The following EPS8 variants were observed in gnomAD, a reference collection of about 807,000 sequenced individuals.
The protein encoded by EPS8 is epidermal growth factor receptor kinase substrate 8.
EPS8 carries 42 observed loss-of-function variants against 103.8 expected under a neutral mutation model. The observed-to-expected ratio is 0.40, with a 90% CI of 0.32 to 0.52. EPS8 has a LOEUF of 0.52. EPS8 is among the 20% of genes least tolerant of loss of function. EPS8 has a pLI of 0.40. For synonymous variants in EPS8, 344 were observed against 344.6 expected (o/e 1.00, Z 0.02); for missense variants, 969 against 1,005.1 (o/e 0.96, Z 0.49).
Position 15,695,660 on chromosome 12 carries a change from C to A in EPS8, c.-21-12688G>T, listed in dbSNP as rs1946233083. Reference sequence around the variant, plus strand: ...TTCCTACCTTCATGGAGCTTACAATCTAGAGGGAGGAGAGCATGAAATAAG... The same window carrying A: ...TTCCTACCTTCATGGAGCTTACAATATAGAGGGAGGAGAGCATGAAATAAG... On this transcript the variant is annotated intron_variant, in intron 1 of 20. Transcript: ENST00000281172. The surrounding 1 kb of genome is among the most constrained non-coding windows in gnomAD (Gnocchi z 5.0). 6.6e-6 allele frequency among the ~76,000 whole-genome samples: 1 copy of A among 152,112 alleles called. No homozygotes were observed. The highest frequency in any genetic ancestry group is 1.5e-5 in the Non-Finnish European group (1 of 68,008).
chr12:15,788,373 C>G (rs975965153), intron 1 of EPS8, among the ~76,000 whole-genome samples: 5 of 152,136 alleles, frequency 3.3e-5, no homozygotes, highest in Non-Finnish European at 7.3e-5. Context: ...TCCTGCCCCC[C>G]GCGAGATTCC....
Position 15,646,869 on chromosome 12 carries a change from C to T in EPS8, c.1568+258G>A, listed in dbSNP as rs114416715. The stretch of plus-strand genomic sequence containing the variant: ...GACAATTCTTTCTTCTTAATGTACA[C>T]ATTTTGTCCGAAGTATCTTTTAAAA... On this transcript the variant is annotated intron_variant, in intron 15 of 20. Transcript: ENST00000281172. 3.6e-3 allele frequency among the ~76,000 whole-genome samples: 542 copies of T among 152,322 alleles called. 3 individuals carry two copies. Among genetic ancestry groups the T allele is most frequent in the African/African-American group, 0.012 (509 of 41,588 alleles).
At chr12:15,737,103 CCAGA>C (rs1414835827) in intron 1 of EPS8, among the ~76,000 whole-genome samples, 1 of 152,036 alleles carries the variant, frequency 6.6e-6, no homozygotes, top group South Asian at 2.1e-4. Context: ...ATACCTAGTA[CCAGA>C]CAGTGTACTA....
chr12:15,722,701 T>C (rs1351251520), intron 1 of EPS8, among the ~76,000 whole-genome samples: 1 of 152,188 alleles, frequency 6.6e-6, no homozygotes. Context: ...GCAGATTCAG[T>C]GTCTGGTGAG....
chr12:15,676,618 C>T (rs922572396), intron 3 of EPS8, among the ~76,000 whole-genome samples: 3 of 152,162 alleles, frequency 2.0e-5, no homozygotes, highest in Non-Finnish European at 4.4e-5. Context: ...AATTATTTCC[C>T]TTAAAAACAA....
At chr12:15,647,747 A>G (rs937024462) in intron 14 of EPS8, among the ~76,000 whole-genome samples, 5 of 152,234 alleles carry the variant, frequency 3.3e-5, no homozygotes, top group African/African-American at 1.2e-4. Context: ...TTTTGCAGTT[A>G]AGATAATTCA....
chr12:15,641,316 CATT>C (rs1945224853), intron 16 of EPS8, among the ~76,000 whole-genome samples: 1 of 151,966 alleles, frequency 6.6e-6, no homozygotes, highest in Non-Finnish European at 1.5e-5. Flanking sequence ...TTATCCCTAA[CATT>C]ATTAGCTCAA....
intron 1 of EPS8, among the ~76,000 whole-genome samples, chr12:15,687,573 G>C (rs74063343): frequency 3.8e-3 from 580 of 152,254 alleles, no homozygotes; most frequent in African/African-American, 0.013. Flanking sequence ...ATGTTGTTTG[G>C]TTAACAAGTG....
chr12:15,708,492 A>T (rs1946418195), intron 1 of EPS8, among the ~76,000 whole-genome samples: 1 of 152,222 alleles, frequency 6.6e-6, no homozygotes, highest in Non-Finnish European at 1.5e-5. Context: ...AGGGGAAATT[A>T]TAATACAAAA....
intron 18 of EPS8, among the ~76,000 whole-genome samples, chr12:15,624,847 G>A (rs1434712112): frequency 6.6e-6 from 1 of 152,106 alleles, no homozygotes; most frequent in African/African-American, 2.4e-5. Flanking sequence ...GGAATATCTG[G>A]AGACACTTTT....
chr12:15,753,706 G>A (rs370643654), intron 1 of EPS8, among the ~76,000 whole-genome samples: 4 of 152,182 alleles, frequency 2.6e-5, no homozygotes, highest in South Asian at 2.1e-4. Flanking sequence ...AACTATACTC[G>A]TTCAATCTCA....
At chr12:15,768,038 C>T (rs1476444755) in intron 1 of EPS8, among the ~76,000 whole-genome samples, 1 of 152,034 alleles carries the variant, frequency 6.6e-6, no homozygotes, top group Non-Finnish European at 1.5e-5. Flanking sequence ...CAAAGACTTA[C>T]AGAATATTAG....
At position 15,713,624 on chromosome 12, in the gene EPS8, C is replaced by G. The variant is rs1946495689; in HGVS notation, c.-21-30652G>C. On this transcript the variant is annotated intron_variant, in intron 1 of 20. Coordinates refer to ENST00000281172, the MANE Select transcript of EPS8 (RefSeq NM_004447.6). The surrounding 1 kb of genome is among the most constrained non-coding windows in gnomAD (Gnocchi z 4.8). Reference sequence around the variant, plus strand: ...GATTTCCAGCCCCATTAAACCTTCACAACTCTAAAGCAGTCCTGATACTTA... The same window carrying G: ...GATTTCCAGCCCCATTAAACCTTCAGAACTCTAAAGCAGTCCTGATACTTA... Among the ~76,000 whole-genome samples, 1 of 152,204 alleles carries G rather than the reference C, an allele frequency of 6.6e-6. No homozygotes were observed. Among genetic ancestry groups the G allele is most frequent in the Non-Finnish European group, 1.5e-5 (1 of 68,038 alleles).
chr12:15,756,749 A>C (rs1946990042), intron 1 of EPS8, among the ~76,000 whole-genome samples: 1 of 152,220 alleles, frequency 6.6e-6, no homozygotes, highest in South Asian at 2.1e-4. Flanking sequence ...AATTTGGAAC[A>C]TGACAGATCT....
chr12:15,666,955 C>G (rs73315024), intron 6 of EPS8, among the ~76,000 whole-genome samples: 1,739 of 152,314 alleles, frequency 0.011, 27 homozygotes, highest in African/African-American at 0.04. Context: ...GGCAAATCTA[C>G]TACACCCATA....
At chr12:15,766,554 T>A (rs939507701) in intron 1 of EPS8, among the ~76,000 whole-genome samples, 5 of 151,072 alleles carry the variant, frequency 3.3e-5, no homozygotes, top group African/African-American at 1.2e-4. Context: ...GTGGGGCTCC[T>A]GTAATCCCAG....
chr12:15,624,306 C>T lies in EPS8; in HGVS notation c.2146G>A (p.Val716Met), dbSNP rs775283555. The change falls in exon 19 of 21, where the codon GTG becomes ATG. Residue 716 changes from valine to methionine, a missense_variant. Coordinates refer to ENST00000281172, the MANE Select transcript of EPS8 (RefSeq NM_004447.6). ...QKKFHVPRQNVPVINITYDST... is the reference protein window; with the variant it reads ...QKKFHVPRQNMPVINITYDST... ...TCGTAAGTGATATTGATAACTGGCA[C>T]GTTCTGCCGTGGCACATGGAATTTC... 1.9e-5 allele frequency: 31 copies of T among 1,613,584 alleles called. No homozygotes were observed. The Admixed American group carries it at 2.7e-4, about 14-fold the overall frequency.
chr12:15,628,409 G>C (rs1944986397), intron 18 of EPS8, among the ~76,000 whole-genome samples: 1 of 152,084 alleles, frequency 6.6e-6, no homozygotes, highest in Non-Finnish European at 1.5e-5. Flanking sequence ...CATTTCCAAT[G>C]TTCTAACACA....
At chr12:15,657,327 A>C (rs985046852) in intron 12 of EPS8, among the ~76,000 whole-genome samples, 2 of 152,172 alleles carry the variant, frequency 1.3e-5, no homozygotes, top group Non-Finnish European at 2.9e-5. Context: ...GGCTTCCTTT[A>C]ACCAACCCTA....
Sources: gnomAD v4.1 joint callset for allele counts (sites outside exome capture counted in the v4.1 genomes callset) on GRCh38, gnomAD v4.1.1 for gene constraint, Gnocchi (gnomAD v3.1) non-coding constraint, MANE v1.5 for transcripts, NCBI Gene and HGNC (gene_info 2026-07-23, HGNC 2026-07-21) for gene names.